Variants in AATF observed in about 807,000 individuals in gnomAD.
AATF encodes the protein apoptosis antagonizing transcription factor.
A neutral mutation model predicts 63.7 loss-of-function variants in AATF; 48 were observed. That is an observed-to-expected ratio of 0.75 (90% CI 0.60 to 0.96). The LOEUF is 0.96. Among genes scored for constraint, AATF ranks in the 40% least tolerant of loss-of-function variants. The probability of loss-of-function intolerance (pLI) is 0.00; values close to 1 mark genes in which losing one functional copy is unlikely to be tolerated. For synonymous variants in AATF, 258 were observed against 247.7 expected (o/e 1.04, Z -0.39); for missense variants, 639 against 685.7 (o/e 0.93, Z 0.76).
chr17:37,025,138 GAGTTTCAGGGA>G (rs1235164557), intron 10 of AATF, among the ~76,000 whole-genome samples: 1 of 152,152 alleles, frequency 6.6e-6, no homozygotes, highest in East Asian at 1.9e-4. Flanking sequence ...ATGACTCCCA[GAGTTTCAGGGA>G]ACTAGATAGG....
At chr17:37,019,589 G>A (rs2071454215) in intron 9 of AATF, among the ~76,000 whole-genome samples, 1 of 152,202 alleles carries the variant, frequency 6.6e-6, no homozygotes, top group Non-Finnish European at 1.5e-5. Context: ...GAAGGCCCTT[G>A]TGTGTATGCT....
chr17:37,053,606 C>T (rs377372942), intron 11 of AATF, among the ~76,000 whole-genome samples: 12 of 152,176 alleles, frequency 7.9e-5, no homozygotes, highest in African/African-American at 2.7e-4. Context: ...GTGTGGCCCA[C>T]GCCTGTAATC....
At chr17:37,029,577 T>C (rs575676027) in intron 10 of AATF, among the ~76,000 whole-genome samples, 1 of 151,456 alleles carries the variant, frequency 6.6e-6, no homozygotes, top group African/African-American at 2.4e-5. Flanking sequence ...TTTTGTTTGT[T>C]TTATTTTTGA....
chr17:36,999,351 C>T (rs1473811285), intron 8 of AATF, among the ~76,000 whole-genome samples: 2 of 152,126 alleles, frequency 1.3e-5, no homozygotes, highest in African/African-American at 2.4e-5. Context: ...CTGTCCTAGG[C>T]TGTGCTGTCT....
At chr17:36,961,716 C>T (rs904618093) in intron 4 of AATF, among the ~76,000 whole-genome samples, 3 of 152,006 alleles carry the variant, frequency 2.0e-5, no homozygotes, top group African/African-American at 7.3e-5. Flanking sequence ...TCTTGTCGCC[C>T]AGGCTGGAGT....
intron 4 of AATF, among the ~76,000 whole-genome samples, chr17:36,955,448 C>T (rs974895465): frequency 4.6e-5 from 7 of 152,068 alleles, no homozygotes; most frequent in Non-Finnish European, 7.4e-5. Context: ...TTTATATCCC[C>T]GCCCCTGTCT....
intron 8 of AATF, among the ~76,000 whole-genome samples, chr17:37,008,243 T>A (rs182630683): frequency 2.5e-4 from 38 of 152,350 alleles, no homozygotes; most frequent in African/African-American, 7.5e-4. Flanking sequence ...TACGTTTTGC[T>A]GAGTGCTTTA....
chr17:37,021,817 A>G (rs1417660309), intron 10 of AATF, among the ~76,000 whole-genome samples: 1 of 80,796 alleles, frequency 1.2e-5, no homozygotes, highest in African/African-American at 1.5e-4. Context: ...AAAAAAAAAA[A>G]AAAATAATAA....
intron 8 of AATF, among the ~76,000 whole-genome samples, chr17:37,009,011 T>C (rs942011776): frequency 6.6e-6 from 1 of 152,242 alleles, no homozygotes; most frequent in Non-Finnish European, 1.5e-5. Context: ...TCTCATTTCC[T>C]GAGAAGAACC....
At chr17:37,020,316 G>A (rs2071459495) in intron 9 of AATF, among the ~76,000 whole-genome samples, 1 of 151,678 alleles carries the variant, frequency 6.6e-6, no homozygotes, top group Non-Finnish European at 1.5e-5. Flanking sequence ...ATGTGGTAAT[G>A]GTATTGAGAT....
At chr17:36,996,309 C>G (rs773984645) in intron 8 of AATF, among the ~76,000 whole-genome samples, 4 of 152,074 alleles carry the variant, frequency 2.6e-5, no homozygotes, top group Non-Finnish European at 4.4e-5. Context: ...ATGGCACTTG[C>G]CTGTAATCTC....
At chr17:37,012,010 A>G (rs2071395109) in intron 8 of AATF, among the ~76,000 whole-genome samples, 2 of 151,986 alleles carry the variant, frequency 1.3e-5, no homozygotes, top group Admixed American at 6.5e-5. Context: ...TATTTTTTGT[A>G]TGCCTCAAAT....
intron 4 of AATF, among the ~76,000 whole-genome samples, chr17:36,961,858 A>G (rs1221938006): frequency 1.3e-5 from 2 of 152,202 alleles, no homozygotes; most frequent in East Asian, 3.9e-4. Flanking sequence ...TGTTTTTGGT[A>G]GAGACTGGGT....
At chr17:37,036,395 AAGGGAG>A (rs911815457) in intron 11 of AATF, among the ~76,000 whole-genome samples, 2 of 152,098 alleles carry the variant, frequency 1.3e-5, no homozygotes, top group Non-Finnish European at 2.9e-5. Context: ...GTAGCTCATT[AAGGGAG>A]AGAGAGAGAT....
intron 8 of AATF, among the ~76,000 whole-genome samples, chr17:37,007,154 A>T (rs1366494392): frequency 6.6e-6 from 1 of 152,132 alleles, no homozygotes; most frequent in Non-Finnish European, 1.5e-5. Context: ...TTGTTGACAA[A>T]ATCTAGAAGA....
At chr17:36,954,987 AGATT>A (rs538995502) in intron 4 of AATF, among the ~76,000 whole-genome samples, 91 of 152,226 alleles carry the variant, frequency 6.0e-4, no homozygotes, top group African/African-American at 2.0e-3. Flanking sequence ...ATATATGTAT[AGATT>A]ATGTATCTAT....
chr17:37,042,280 C>T (rs543440481), intron 11 of AATF, among the ~76,000 whole-genome samples: 21 of 151,934 alleles, frequency 1.4e-4, no homozygotes, highest in Non-Finnish European at 2.6e-4. Flanking sequence ...AATTATTCAC[C>T]TATATTTTAT....
intron 4 of AATF, among the ~76,000 whole-genome samples, chr17:36,985,195 C>G (rs771220319): frequency 2.0e-5 from 3 of 152,148 alleles, no homozygotes; most frequent in Non-Finnish European, 4.4e-5. Flanking sequence ...AGCCACTGCA[C>G]CTGGCCTCCA....
intron 4 of AATF, among the ~76,000 whole-genome samples, chr17:36,962,025 C>T (rs7222936): frequency 0.041 from 6,199 of 152,024 alleles, 411 homozygotes; most frequent in African/African-American, 0.14. Context: ...CCTAACTAGC[C>T]CCTGGAAGAA....
Sources: allele counts gnomAD v4.1 joint callset (sites outside exome capture counted in the v4.1 genomes callset), GRCh38; gene constraint gnomAD v4.1.1; transcripts MANE v1.5; gene names NCBI Gene and HGNC (gene_info 2026-07-23, HGNC 2026-07-21).